The following BCOR variants were observed in gnomAD, a reference collection of about 807,000 sequenced individuals.
BCOR encodes BCL6 corepressor, also known as BCL-6 corepressor.
Under a neutral mutation model 86.7 loss-of-function variants are expected in BCOR, and 10 were observed. The observed-to-expected ratio is 0.12, with a 90% CI of 0.07 to 0.20. The LOEUF (loss-of-function observed/expected upper bound fraction) is 0.20, where lower values mean the gene tolerates loss of function less well. Among genes scored for constraint, BCOR ranks in the 10% least tolerant of loss-of-function variants. The pLI, the probability that BCOR is intolerant of heterozygous loss-of-function variation, is 1.00. For synonymous variants in BCOR, 611 were observed against 609.0 expected, an observed-to-expected ratio of 1.00 and a Z score of -0.05; for missense variants, 1,259 against 1,452.1, an observed-to-expected ratio of 0.87 and a Z score of 2.16.
chrX:40,075,891 C>T lies in BCOR; in HGVS notation c.165+563G>A, dbSNP rs150551678. Among the ~76,000 whole-genome samples the T allele has an allele frequency of 1.3e-3, 152 of 112,663 alleles. 1 individual carries two copies. Among genetic ancestry groups the T allele is most frequent in the Admixed American group, 0.01 (112 of 10,737 alleles). On this transcript the variant is annotated intron_variant, in intron 3 of 14. Transcript: ENST00000378444. ...TCACCCTCATGGGGTACAGAATTCACACTAACCCTCCCTGGGCCTGTCAGG... is the reference window on the plus strand; with the variant it reads ...TCACCCTCATGGGGTACAGAATTCATACTAACCCTCCCTGGGCCTGTCAGG...
chrX:40,170,127 CTTCTGATG>C (rs1303751766), intron 1 of BCOR, among the ~76,000 whole-genome samples: 2 of 111,294 alleles, frequency 1.8e-5, no homozygotes, highest in Non-Finnish European at 3.8e-5. Flanking sequence ...AGGCCTGGGT[CTTCTGATG>C]TTCATTTAAA....
intron 1 of BCOR, among the ~76,000 whole-genome samples, chrX:40,126,357 C>A (rs1937542165): frequency 9.5e-6 from 1 of 105,093 alleles, no homozygotes; most frequent in Non-Finnish European, 1.9e-5. Context: ...AACCCCACTT[C>A]TACTAAAAAT....
chrX:40,148,824 G>A (rs755490333), intron 1 of BCOR, among the ~76,000 whole-genome samples: 1 of 111,601 alleles, frequency 9.0e-6, no homozygotes, highest in South Asian at 3.7e-4. Context: ...CTGTGCTAAG[G>A]TCACAGCGCG....
At chrX:40,086,895 T>A (rs1372323368) in intron 1 of BCOR, among the ~76,000 whole-genome samples, 1 of 113,301 alleles carries the variant, frequency 8.8e-6, no homozygotes, top group East Asian at 2.8e-4. Flanking sequence ...CTTCTCCCCC[T>A]ACCCCTCCGG....
At chrX:40,173,708 T>C (rs1211796330) in intron 1 of BCOR, among the ~76,000 whole-genome samples, 1 of 112,115 alleles carries the variant, frequency 8.9e-6, no homozygotes, top group Admixed American at 9.4e-5. Flanking sequence ...TTACCCACTC[T>C]CTCCCTGCAG....
chrX:40,163,582 A>T (rs866239659), intron 1 of BCOR, among the ~76,000 whole-genome samples: 1 of 26,505 alleles, frequency 3.8e-5, no homozygotes, highest in African/African-American at 1.5e-4. Context: ...CCACCTTCCC[A>T]CCCCCACCCC....
chrX:40,086,207 A>C (rs1399680020), intron 1 of BCOR, among the ~76,000 whole-genome samples: 5 of 110,011 alleles, frequency 4.5e-5, no homozygotes, highest in Non-Finnish European at 7.6e-5. Flanking sequence ...TGCACAGAAC[A>C]CAGCACCCGC....
intron 1 of BCOR, among the ~76,000 whole-genome samples, chrX:40,161,306 A>G: frequency 9.5e-6 from 1 of 105,441 alleles, no homozygotes; most frequent in Non-Finnish European, 1.9e-5. Context: ...TGCCAGGTTC[A>G]AGCGATTCTC....
At chrX:40,117,424 T>C (rs1243433390) in intron 1 of BCOR, among the ~76,000 whole-genome samples, 1 of 111,821 alleles carries the variant, frequency 8.9e-6, no homozygotes, top group Non-Finnish European at 1.9e-5. Flanking sequence ...GATCATACGG[T>C]CTATTCCTCA....
chrX:40,169,936 G>A (rs1033170546), intron 1 of BCOR, among the ~76,000 whole-genome samples: 3 of 111,817 alleles, frequency 2.7e-5, no homozygotes, highest in Non-Finnish European at 3.8e-5. Context: ...CGGTCCAGCC[G>A]GAGGCCCCTA....
At chrX:40,054,769 C>T (rs1038702722) in intron 12 of BCOR, among the ~76,000 whole-genome samples, 1 of 112,888 alleles carries the variant, frequency 8.9e-6, no homozygotes, top group African/African-American at 3.2e-5. Flanking sequence ...TCCCAAAGTG[C>T]TGGGATTACA....
intron 1 of BCOR, among the ~76,000 whole-genome samples, chrX:40,114,882 T>C (rs1937369446): frequency 1.1e-5 from 1 of 95,234 alleles, no homozygotes; most frequent in Non-Finnish European, 2.1e-5. Context: ...AGTTGGAGTC[T>C]CACTGTGTCG....
intron 1 of BCOR, among the ~76,000 whole-genome samples, chrX:40,134,188 G>A (rs1269083489): frequency 1.9e-5 from 2 of 107,674 alleles, no homozygotes; most frequent in Non-Finnish European, 3.8e-5. Context: ...GACTCACTGG[G>A]CTGCCCCAGG....
chrX:40,085,181 C>T (rs1936301673), intron 1 of BCOR, among the ~76,000 whole-genome samples: 1 of 112,762 alleles, frequency 8.9e-6, no homozygotes, highest in South Asian at 3.6e-4. Flanking sequence ...CCTCGGAGCA[C>T]GATAACAAGT....
At chrX:40,155,099 C>T (rs1323999587) in intron 1 of BCOR, among the ~76,000 whole-genome samples, 1 of 110,833 alleles carries the variant, frequency 9.0e-6, no homozygotes, top group Non-Finnish European at 1.9e-5. Flanking sequence ...CGGGCTTAAC[C>T]AGGCCGCTCG....
intron 1 of BCOR, among the ~76,000 whole-genome samples, chrX:40,086,904 G>A (rs751124179): frequency 2.7e-3 from 311 of 113,392 alleles, no homozygotes; most frequent in Non-Finnish European, 4.2e-3. Flanking sequence ...CTACCCCTCC[G>A]GGATCCAGCC....
intron 1 of BCOR, among the ~76,000 whole-genome samples, chrX:40,147,402 G>T (rs1938082540): frequency 8.9e-6 from 1 of 112,732 alleles, no homozygotes; most frequent in African/African-American, 3.2e-5. Context: ...GTTTGTTTTG[G>T]TGGAGCTAAA....
intron 1 of BCOR, among the ~76,000 whole-genome samples, chrX:40,169,636 G>A (rs1443343637): frequency 1.8e-5 from 2 of 111,017 alleles, no homozygotes; most frequent in African/African-American, 6.6e-5. Context: ...AAACCAGGAG[G>A]AGAAATAATC....
intron 1 of BCOR, among the ~76,000 whole-genome samples, chrX:40,133,696 G>A (rs184977604): frequency 4.0e-4 from 44 of 109,468 alleles, no homozygotes; most frequent in African/African-American, 1.4e-3. Context: ...TCCTGACCTC[G>A]TGCTCTGCCC....
Sources: gnomAD v4.1 joint callset for allele counts (sites outside exome capture counted in the v4.1 genomes callset) on GRCh38, gnomAD v4.1.1 for gene constraint, MANE v1.5 for transcripts, NCBI Gene and HGNC (gene_info 2026-07-23, HGNC 2026-07-21) for gene names.